The following TPTE2 variants were observed in gnomAD, a reference collection of about 807,000 sequenced individuals.
TPTE2 encodes transmembrane phosphoinositide 3-phosphatase and tensin homolog 2, also known as phosphatidylinositol 3,4,5-trisphosphate 3-phosphatase TPTE2.
TPTE2 carries 53 observed loss-of-function variants against 78.6 expected under a neutral mutation model. That is an observed-to-expected ratio of 0.67 (90% CI 0.54 to 0.85). The LOEUF is 0.85. TPTE2 is among the 40% of genes least tolerant of loss of function. TPTE2 has a pLI of 0.00. For missense variants in TPTE2, 461 were observed against 623.0 expected (o/e 0.74, Z 2.77); for synonymous variants, 175 against 206.2 (o/e 0.85, Z 1.30).
intron 3 of TPTE2, among the ~76,000 whole-genome samples, chr13:19,489,408 A>G (rs180777370): frequency 2.6e-5 from 4 of 151,836 alleles, no homozygotes; most frequent in African/African-American, 9.7e-5. Flanking sequence ...ATATACACAC[A>G]CATATATGTA....
chr13:19,503,015 T>G (rs1278645687), intron 1 of TPTE2, among the ~76,000 whole-genome samples: 2 of 152,252 alleles, frequency 1.3e-5, no homozygotes, highest in East Asian at 3.9e-4. Flanking sequence ...GTTAAAAGCT[T>G]CTCAGAATAA....
At chr13:19,495,145 C>T (rs1593396404) in intron 1 of TPTE2, among the ~76,000 whole-genome samples, 1 of 152,198 alleles carries the variant, frequency 6.6e-6, no homozygotes, top group Non-Finnish European at 1.5e-5. Context: ...CTCCAATCAC[C>T]TCCTCACTTT....
rs1350357457 is a variant in TPTE2, at chr13:19,495,138, C to A, written c.12-1637G>T. Among the ~76,000 whole-genome samples, 4 of 152,340 alleles carry A rather than the reference C, an allele frequency of 2.6e-5. No homozygotes were observed. The East Asian group carries it at 7.7e-4, about 29-fold the overall frequency. Reference sequence around the variant, plus strand: ...TGAGTTCCTCATTCTCTATCACCTCCAATCACCTCCTCACTTTTCACCCAT... The same window carrying A: ...TGAGTTCCTCATTCTCTATCACCTCAAATCACCTCCTCACTTTTCACCCAT... On this transcript the variant is annotated intron_variant, in intron 1 of 19. Transcript: ENST00000400230.
At chr13:19,446,930 G>A (rs1373594290) in intron 13 of TPTE2, among the ~76,000 whole-genome samples, 3 of 152,124 alleles carry the variant, frequency 2.0e-5, no homozygotes, top group South Asian at 4.2e-4. Context: ...GTGACAGAGC[G>A]AGATCATGTC....
intron 1 of TPTE2, among the ~76,000 whole-genome samples, chr13:19,509,810 C>T (rs917865576): frequency 2.0e-5 from 3 of 151,974 alleles, no homozygotes; most frequent in African/African-American, 7.3e-5. Context: ...AGAGATAAAC[C>T]TATGTAGATA....
At chr13:19,432,894 C>G (rs369028010) in intron 15 of TPTE2, among the ~76,000 whole-genome samples, 4 of 151,662 alleles carry the variant, frequency 2.6e-5, no homozygotes, top group Non-Finnish European at 4.4e-5. Flanking sequence ...AGTGTCCAGA[C>G]AGAAGCTTAG....
intron 15 of TPTE2, among the ~76,000 whole-genome samples, chr13:19,434,894 G>C (rs1380739256): frequency 6.6e-6 from 1 of 152,168 alleles, no homozygotes; most frequent in Admixed American, 6.5e-5. Context: ...TTCAGTCCTT[G>C]GTTCAAAAGT....
At chr13:19,473,885 T>C in intron 6 of TPTE2, 29 bp downstream of exon 9, 2 of 1,557,716 alleles carry the variant, frequency 1.3e-6, no homozygotes, top group East Asian at 2.3e-5. Context: ...CAAAATAGCT[T>C]AATGCATTAT....
intron 6 of TPTE2, among the ~76,000 whole-genome samples, chr13:19,471,682 T>C (rs1879622532): frequency 6.6e-6 from 1 of 152,226 alleles, no homozygotes; most frequent in Non-Finnish European, 1.5e-5. Flanking sequence ...GTTTAGTCTC[T>C]CTACTTAGAA....
the TPTE2 span, among the ~76,000 whole-genome samples, chr13:19,554,942 G>A: frequency 4.8e-3 from 735 of 152,264 alleles, 9 homozygotes; most frequent in African/African-American, 0.017. Context: ...AAAATAACTT[G>A]TCTCAGTTAT....
intron 4 of TPTE2, among the ~76,000 whole-genome samples, chr13:19,478,193 C>T (rs575093361): frequency 6.6e-6 from 1 of 152,186 alleles, no homozygotes; most frequent in East Asian, 1.9e-4. Flanking sequence ...TTCTGCACAG[C>T]AAAAGAAACT....
chr13:19,510,587 C>T (rs934782831), intron 1 of TPTE2, among the ~76,000 whole-genome samples: 1 of 152,102 alleles, frequency 6.6e-6, no homozygotes, highest in African/African-American at 2.4e-5. Flanking sequence ...TTTCAACATG[C>T]GGTTTGGGGG....
chr13:19,507,398 C>A (rs1363831464), upstream of TPTE2, among the ~76,000 whole-genome samples: 8 of 150,664 alleles, frequency 5.3e-5, no homozygotes, highest in Non-Finnish European at 1.2e-4. Context: ...ACAGCAACTA[C>A]CCAGGAGTAG....
intron 1 of TPTE2, among the ~76,000 whole-genome samples, chr13:19,514,602 T>A (rs1869674972): frequency 7.1e-6 from 1 of 140,156 alleles, no homozygotes; most frequent in African/African-American, 3.1e-5. Flanking sequence ...AGTGTGTGTG[T>A]GTGTGTGTGT....
intron 1 of TPTE2, among the ~76,000 whole-genome samples, chr13:19,518,355 A>G (rs1869932158): frequency 6.6e-6 from 1 of 152,216 alleles, no homozygotes; most frequent in Non-Finnish European, 1.5e-5. Flanking sequence ...AAATATGTAC[A>G]ATTTATTATG....
intron 10 of TPTE2, among the ~76,000 whole-genome samples, chr13:19,461,924 C>G (rs1202426895): frequency 8.3e-6 from 1 of 120,950 alleles, no homozygotes; most frequent in Non-Finnish European, 1.7e-5. Flanking sequence ...AGGCAGCATA[C>G]AGTTGGGTCT....
chr13:19,493,019 G>A (rs1025756864), intron 2 of TPTE2, 116 bp from the exon 6 acceptor site: 1 of 1,427,690 alleles, frequency 7.0e-7, no homozygotes, highest in Non-Finnish European at 9.6e-7. Context: ...TCAGAAATCT[G>A]AGTCCCATAA....
chr13:19,467,270 A>G, exon 7 of TPTE2: 1 of 1,596,406 alleles, frequency 6.3e-7, no homozygotes, highest in Non-Finnish European at 8.5e-7. Flanking sequence ...AATGTAAATG[A>G]CATCAACCAG....
chr13:19,549,246 T>C, the TPTE2 span, among the ~76,000 whole-genome samples: 1 of 152,018 alleles, frequency 6.6e-6, no homozygotes, highest in Non-Finnish European at 1.5e-5. Flanking sequence ...AGAAAATATC[T>C]GCAAACTATG....
Sources: allele counts gnomAD v4.1 joint callset (sites outside exome capture counted in the v4.1 genomes callset), GRCh38; gene constraint gnomAD v4.1.1; transcripts MANE v1.5; gene names NCBI Gene and HGNC (gene_info 2026-07-23, HGNC 2026-07-21).